Variants in PAPPA2 observed in about 807,000 individuals in gnomAD.
PAPPA2 encodes pappalysin 2, also known as pappalysin-2.
In PAPPA2, 86 loss-of-function variants were observed where a neutral mutation model predicts 176.4. The observed-to-expected ratio is 0.49, with a 90% CI of 0.41 to 0.58. PAPPA2 has a LOEUF of 0.58. Among genes scored for constraint, PAPPA2 ranks in the 20% least tolerant of loss-of-function variants. The probability of loss-of-function intolerance (pLI) is 0.00; values close to 1 mark genes in which losing one functional copy is unlikely to be tolerated. For missense variants in PAPPA2, 2,073 were observed against 2,256.9 expected, an observed-to-expected ratio of 0.92 and a Z score of 1.65; for synonymous variants, 809 against 852.2, an observed-to-expected ratio of 0.95 and a Z score of 0.88.
At chr1:176,604,588 G>A (rs1003881442) in intron 3 of PAPPA2, among the ~76,000 whole-genome samples, 4 of 152,100 alleles carry the variant, frequency 2.6e-5, no homozygotes, top group African/African-American at 7.2e-5. Flanking sequence ...GCAGAGTTGT[G>A]CAGTTAAAAC....
chr1:176,760,349 A>G (rs925771447), intron 14 of PAPPA2, among the ~76,000 whole-genome samples: 24 of 152,162 alleles, frequency 1.6e-4, no homozygotes, highest in Admixed American at 3.3e-4. Context: ...AGTGGGGCCA[A>G]TGTCTCCTTC....
Position 176,822,807 on chromosome 1 carries a change from G to A in PAPPA2, c.5203-17366G>A, listed in dbSNP as rs551261147. On this transcript the variant is annotated intron_variant, in intron 21 of 22. Transcript: ENST00000367662. Reference sequence around the variant, plus strand: ...TTGATCTTTTACTGGCCAGAGATAAGAAACGGTTTTATTTTTCAGTACTAC... The same window carrying A: ...TTGATCTTTTACTGGCCAGAGATAAAAAACGGTTTTATTTTTCAGTACTAC... Among the ~76,000 whole-genome samples, 7 of 152,268 alleles carry A rather than the reference G, an allele frequency of 4.6e-5. No homozygotes were observed. The East Asian group carries it at 1.4e-3, about 29-fold the overall frequency.
chr1:176,735,724 CTATCTATCTAT>C, intron 12 of PAPPA2, among the ~76,000 whole-genome samples: 1 of 145,982 alleles, frequency 6.9e-6, no homozygotes, highest in Non-Finnish European at 1.5e-5. Context: ...ATCTATCTAT[CTATCTATCTAT>C]CTATCATCTA....
At chr1:176,590,997 T>C (rs1006255532) in intron 2 of PAPPA2, among the ~76,000 whole-genome samples, 1 of 151,992 alleles carries the variant, frequency 6.6e-6, no homozygotes, top group African/African-American at 2.4e-5. Flanking sequence ...AATAATAGTA[T>C]ACAAAAGATT....
At chr1:176,484,946 A>C (rs1237832976) in intron 1 of PAPPA2, among the ~76,000 whole-genome samples, 1 of 152,142 alleles carries the variant, frequency 6.6e-6, no homozygotes, top group African/African-American at 2.4e-5. Context: ...TGCTCTGGCA[A>C]GTTATGAGTC....
chr1:176,584,224 T>G (rs1259060917), intron 2 of PAPPA2, among the ~76,000 whole-genome samples: 2 of 152,194 alleles, frequency 1.3e-5, no homozygotes, highest in Non-Finnish European at 2.9e-5. Flanking sequence ...TAGTTGATAT[T>G]ACATCTAGTT....
At chr1:176,800,869 C>G (rs1051547279) in intron 21 of PAPPA2, among the ~76,000 whole-genome samples, 1 of 152,162 alleles carries the variant, frequency 6.6e-6, no homozygotes, top group African/African-American at 2.4e-5. Flanking sequence ...CAAACTAGAC[C>G]TTTACCACCT....
intron 6 of PAPPA2, 61 bp from the exon 7 acceptor site, chr1:176,695,677 T>G: frequency 1.3e-6 from 2 of 1,581,256 alleles, no homozygotes; most frequent in Non-Finnish European, 1.7e-6. Flanking sequence ...TCTAATTTTC[T>G]TATCCCAACT....
chr1:176,709,304 T>C (rs1476509784), intron 10 of PAPPA2, among the ~76,000 whole-genome samples: 1 of 152,164 alleles, frequency 6.6e-6, no homozygotes, highest in Non-Finnish European at 1.5e-5. Flanking sequence ...CTCTATTGCT[T>C]ACCTTTCGAG....
intron 2 of PAPPA2, among the ~76,000 whole-genome samples, chr1:176,572,533 G>A (rs893741288): frequency 6.6e-6 from 1 of 152,180 alleles, no homozygotes; most frequent in African/African-American, 2.4e-5. Context: ...TTGGTTTTGT[G>A]TGGTCCCTGG....
At chr1:176,837,882 C>T (rs149636590) in intron 21 of PAPPA2, among the ~76,000 whole-genome samples, 1 of 152,226 alleles carries the variant, frequency 6.6e-6, no homozygotes, top group Non-Finnish European at 1.5e-5. Context: ...CTCAAACTGT[C>T]GAGCTTCCCA....
intron 3 of PAPPA2, among the ~76,000 whole-genome samples, chr1:176,604,812 T>C (rs1324866739): frequency 2.0e-5 from 3 of 152,226 alleles, no homozygotes; most frequent in Non-Finnish European, 2.9e-5. Flanking sequence ...TAAATATATA[T>C]CTGTATGTAG....
At chr1:176,698,117 A>G (rs571364954) in intron 7 of PAPPA2, among the ~76,000 whole-genome samples, 14 of 152,100 alleles carry the variant, frequency 9.2e-5, no homozygotes, top group Admixed American at 5.9e-4. Context: ...GGAAATTGCA[A>G]TGTTTGAACT....
At chr1:176,486,210 A>G (rs1169733594) in intron 1 of PAPPA2, among the ~76,000 whole-genome samples, 4 of 152,216 alleles carry the variant, frequency 2.6e-5, no homozygotes, top group Non-Finnish European at 1.5e-5. Flanking sequence ...TTGTTTATCA[A>G]TTGCCTTTAG....
chr1:176,731,786 T>A (rs1200091638), intron 12 of PAPPA2, among the ~76,000 whole-genome samples: 1 of 151,728 alleles, frequency 6.6e-6, no homozygotes, highest in Non-Finnish European at 1.5e-5. Flanking sequence ...ATTGCCACAA[T>A]CAAGTTTATT....
At chr1:176,775,263 A>G (rs1353220457) in intron 17 of PAPPA2, among the ~76,000 whole-genome samples, 1 of 152,180 alleles carries the variant, frequency 6.6e-6, no homozygotes, top group African/African-American at 2.4e-5. Flanking sequence ...TACTTTCTAA[A>G]TGGGTAAAAG....
intron 1 of PAPPA2, among the ~76,000 whole-genome samples, chr1:176,502,206 A>G (rs73042691): frequency 0.014 from 2,171 of 152,262 alleles, 55 homozygotes; most frequent in African/African-American, 0.049. Flanking sequence ...TCTAACAAAC[A>G]ATTTGTTTGA....
rs34602579 is a variant in PAPPA2 at position 176,791,432 on chromosome 1, C to T, written c.4970C>T (p.Pro1657Leu). 674 of 1,613,842 alleles carry T rather than the reference C, an allele frequency of 4.2e-4. 4 individuals carry two copies. The highest frequency in any genetic ancestry group is 1.7e-4 in the Middle Eastern group (1 of 6,060). Reference sequence around the variant, plus strand: ...CTGCAAGGAGAATGCCCACCACCCCCCTCAGAGCTGAATTCTGTGGAGTAC... The same window carrying T: ...CTGCAAGGAGAATGCCCACCACCCCTCTCAGAGCTGAATTCTGTGGAGTAC... ...ENLQGECPPPPSELNSVEYKC... is the reference protein window; with the variant it reads ...ENLQGECPPPLSELNSVEYKC... Residue 1657 changes from proline to leucine, a missense_variant, in exon 19 of 23, where the codon CCC (proline) becomes CTC (leucine). Pro to Leu is a moderately conservative substitution (Grantham distance 98). Coordinates refer to ENST00000367662, the MANE Select transcript of PAPPA2 (RefSeq NM_020318.3).
chr1:176,612,568 C>T (rs922643059), intron 3 of PAPPA2, among the ~76,000 whole-genome samples: 2 of 152,172 alleles, frequency 1.3e-5, no homozygotes, highest in Non-Finnish European at 2.9e-5. Flanking sequence ...AGGTAAGTTA[C>T]ATTGTTTACT....
Sources: gnomAD v4.1 joint callset for allele counts (sites outside exome capture counted in the v4.1 genomes callset) on GRCh38, gnomAD v4.1.1 for gene constraint, MANE v1.5 for transcripts, NCBI Gene and HGNC (gene_info 2026-07-23, HGNC 2026-07-21) for gene names.